The following RPTOR variants were observed in gnomAD, a reference collection of about 807,000 sequenced individuals.
RPTOR encodes regulatory associated protein of MTOR complex 1.
A neutral mutation model predicts 169.9 loss-of-function variants in RPTOR; 21 were observed. That is an observed-to-expected ratio of 0.12 (90% CI 0.09 to 0.18). The LOEUF (loss-of-function observed/expected upper bound fraction) is 0.18. RPTOR is among the 10% of genes least tolerant of loss of function. The pLI, the probability that RPTOR is intolerant of heterozygous loss-of-function variation, is 1.00. For synonymous variants in RPTOR, 732 were observed against 753.2 expected (o/e 0.97, Z 0.46); for missense variants, 1,133 against 1,855.9 (o/e 0.61, Z 7.16).
chr17:80,839,109 A>T (rs572179383), intron 10 of RPTOR, among the ~76,000 whole-genome samples: 8 of 152,290 alleles, frequency 5.3e-5, no homozygotes, highest in African/African-American at 1.4e-4. Context: ...GAAGCTTTTA[A>T]CACATGCAGT....
intron 5 of RPTOR, among the ~76,000 whole-genome samples, chr17:80,743,971 C>T (rs369386522): frequency 0.24 from 1,368 of 5,796 alleles, 373 homozygotes; most frequent in Admixed American, 0.4. Context: ...ACAGCCCTGG[C>T]TACTAGCACT....
intron 7 of RPTOR, among the ~76,000 whole-genome samples, chr17:80,817,072 G>C (rs986287547): frequency 2.6e-5 from 4 of 152,264 alleles, no homozygotes; most frequent in African/African-American, 9.6e-5. Flanking sequence ...GGTGGACTTG[G>C]CAGGTGGGTG....
At chr17:80,685,939 T>C (rs1233551634) in intron 3 of RPTOR, among the ~76,000 whole-genome samples, 1 of 151,874 alleles carries the variant, frequency 6.6e-6, no homozygotes, top group Admixed American at 6.6e-5. Flanking sequence ...TCTGACAGTG[T>C]TGGTGGCCTC....
rs1010353443 is a variant in RPTOR at position 80,956,506 on chromosome 17, C to A, written c.3371-1118C>A. On this transcript the variant is annotated intron_variant, in intron 28 of 33. Transcript: ENST00000306801. The stretch of plus-strand genomic sequence containing the variant: ...CCTTGCTGTCTGAAGGCTGCCGGCC[C>A]GTGGCCCATGCCGAGCTCCTGTTTG... Among the ~76,000 whole-genome samples, 4 of 152,256 alleles carry A rather than the reference C, an allele frequency of 2.6e-5. No homozygotes were observed. The South Asian group carries it at 8.3e-4, about 31-fold the overall frequency.
chr17:80,676,459 G>A (rs569357356), intron 3 of RPTOR, among the ~76,000 whole-genome samples: 5 of 152,138 alleles, frequency 3.3e-5, no homozygotes, highest in South Asian at 2.1e-4. Flanking sequence ...CAGGGCCCCC[G>A]GGACCTCTGG....
At chr17:80,854,287 T>C (rs1302629584) in intron 11 of RPTOR, among the ~76,000 whole-genome samples, 1 of 152,250 alleles carries the variant, frequency 6.6e-6, no homozygotes. Context: ...TTATTTAATT[T>C]AATGAAACCC....
At chr17:80,858,655 G>A (rs998736692) in intron 13 of RPTOR, among the ~76,000 whole-genome samples, 7 of 152,142 alleles carry the variant, frequency 4.6e-5, no homozygotes, top group Non-Finnish European at 1.0e-4. Flanking sequence ...CTGAGAAGTC[G>A]TGTGGGCGAG....
intron 1 of RPTOR, among the ~76,000 whole-genome samples, chr17:80,567,995 C>T (rs539529748): frequency 6.6e-6 from 1 of 151,810 alleles, no homozygotes; most frequent in South Asian, 2.1e-4. Context: ...CAACATCTGC[C>T]TCCCGGGTTC....
chr17:80,913,272 T>C (rs995481501), intron 21 of RPTOR, among the ~76,000 whole-genome samples: 3 of 152,192 alleles, frequency 2.0e-5, no homozygotes, highest in African/African-American at 7.2e-5. Context: ...TGGAATGCCC[T>C]GTAGAATTCT....
chr17:80,747,765 C>T (rs1481310257), intron 5 of RPTOR, among the ~76,000 whole-genome samples: 1 of 152,242 alleles, frequency 6.6e-6, no homozygotes, highest in Non-Finnish European at 1.5e-5. Context: ...CCCCTTCAAA[C>T]CTGCTGAGTT....
At chr17:80,874,368 T>C (rs572565961) in intron 13 of RPTOR, among the ~76,000 whole-genome samples, 54 of 152,236 alleles carry the variant, frequency 3.5e-4, no homozygotes, top group African/African-American at 1.2e-3. Flanking sequence ...AGCTAATTTT[T>C]GTGTTTCTAG....
intron 8 of RPTOR, 31 bp downstream of exon 8, chr17:80,822,332 G>A (rs766579018): frequency 2.5e-6 from 4 of 1,606,684 alleles, no homozygotes; most frequent in Non-Finnish European, 3.4e-6. Flanking sequence ...TGGGGAGGGA[G>A]GCTATGGCCT....
At chr17:80,852,496 G>C (rs1411423614) in intron 11 of RPTOR, among the ~76,000 whole-genome samples, 1 of 152,092 alleles carries the variant, frequency 6.6e-6, no homozygotes, top group Admixed American at 6.5e-5. Flanking sequence ...CTTAATCAGA[G>C]ACTCTCAGCA....
intron 20 of RPTOR, among the ~76,000 whole-genome samples, chr17:80,894,085 T>C (rs55929430): frequency 0.26 from 40,252 of 152,128 alleles, 5,640 homozygotes; most frequent in South Asian, 0.47. Context: ...TTTTACAGGC[T>C]GCTCCGGAGC....
intron 1 of RPTOR, among the ~76,000 whole-genome samples, chr17:80,548,919 C>T (rs924407690): frequency 2.2e-4 from 34 of 152,174 alleles, no homozygotes; most frequent in African/African-American, 7.2e-4. Flanking sequence ...CAATTCCATA[C>T]GCTTTTATTT....
intron 22 of RPTOR, 46 bp downstream of exon 22, chr17:80,922,873 G>A (rs1275279573): frequency 1.3e-6 from 2 of 1,486,170 alleles, no homozygotes; most frequent in Admixed American, 2.0e-5. Flanking sequence ...GGTGACCGGG[G>A]CCCCACGGGC....
chr17:80,755,092 GA>G (rs1450866882), intron 6 of RPTOR, among the ~76,000 whole-genome samples: 2 of 151,816 alleles, frequency 1.3e-5, no homozygotes, highest in Non-Finnish European at 2.9e-5. Context: ...AGGGCAGCCT[GA>G]GGGGGGAGGA....
chr17:80,685,621 ATATATATTTTTTTTTT>A (rs1357071720), intron 3 of RPTOR, among the ~76,000 whole-genome samples: 2 of 15,710 alleles, frequency 1.3e-4, no homozygotes, highest in Non-Finnish European at 2.4e-4. Context: ...ATATATATAT[ATATATATTTTTTTTTT>A]TTTTTTTTTT....
intron 3 of RPTOR, among the ~76,000 whole-genome samples, chr17:80,656,178 C>G (rs2065678254): frequency 6.6e-6 from 1 of 152,190 alleles, no homozygotes; most frequent in Non-Finnish European, 1.5e-5. Context: ...TGAAGCGATT[C>G]TCCTGTCTCA....
Sources: gnomAD v4.1 joint callset for allele counts (sites outside exome capture counted in the v4.1 genomes callset) on GRCh38, gnomAD v4.1.1 for gene constraint, MANE v1.5 for transcripts, NCBI Gene and HGNC (gene_info 2026-07-23, HGNC 2026-07-21) for gene names.